The following CNOT9 variants were observed in gnomAD, a reference collection of about 807,000 sequenced individuals.
CNOT9 encodes the protein RCD1 required for cell differentiation1 homolog.
Under a neutral mutation model 37.4 loss-of-function variants are expected in CNOT9, and 8 were observed. That is an observed-to-expected ratio of 0.21 (90% CI 0.13 to 0.39). The LOEUF (loss-of-function observed/expected upper bound fraction) is 0.39, where lower values mean the gene tolerates loss of function less well. CNOT9 is among the 10% of genes least tolerant of loss of function. CNOT9 has a pLI of 1.00. For synonymous variants in CNOT9, 120 were observed against 137.6 expected (o/e 0.87, Z 0.90); for missense variants, 154 against 365.3 (o/e 0.42, Z 4.71).
In CNOT9 at chr2:218,596,065, G is replaced by A. The variant is rs1385583186; in HGVS notation, c.*1789G>A. On this transcript the variant is annotated 3_prime_UTR_variant, in exon 8 of 8. Transcript: ENST00000273064. ...CAGCCCGTAGTCTGTGATCTGGAGA[G>A]TCCAGTTAAGGTAACCCAGATTTTT... 6.6e-6 allele frequency: 1 copy of A among 152,210 alleles called. No homozygotes were observed. The highest frequency in any genetic ancestry group is 2.4e-5 in the African/African-American group (1 of 41,442). The allele number at this position is 152,210 out of a possible 1,614,324, so 9.4% of individuals were successfully genotyped here. A position where few individuals can be genotyped will look rare whatever the true frequency, so the allele number is the denominator to read the frequency against.
rs57839540 is a variant in CNOT9 at position 218,595,404 on chromosome 2, C to CTTTTTTTTTTTTTTTTTTTTT, written c.*1136_*1156dup. The CTTTTTTTTTTTTTTTTTTTTT allele has an allele frequency of 4.3e-4, 22 of 50,938 alleles. 1 individual carries two copies. The highest frequency in any genetic ancestry group is 2.8e-3 in the South Asian group (2 of 702). The allele number at this position is 50,938 out of a possible 1,614,324, so 3.2% of individuals were successfully genotyped here. On this transcript the variant is annotated 3_prime_UTR_variant, in exon 8 of 8. Coordinates refer to ENST00000273064, the MANE Select transcript of CNOT9 (RefSeq NM_005444.3). ...GAGGGCTGGGTTCTGCTCACTCAGT[C>CTTTTTTTTTTTTTTTTTTTTT]TTTTTTTTTTTTTTTTTTTTTTTTT... is the stretch of plus-strand genomic sequence containing the variant.
At chr2:218,583,557 G>T (rs554845294) in intron 3 of CNOT9, among the ~76,000 whole-genome samples, 3 of 152,258 alleles carry the variant, frequency 2.0e-5, no homozygotes, top group Non-Finnish European at 4.4e-5. Context: ...GAATTGGCAT[G>T]TAAGTTAAAA....
Position 218,592,479 on chromosome 2 carries a change from A to G in CNOT9, c.639+77A>G. 1.4e-6 allele frequency: 2 copies of G among 1,466,164 alleles called. No individual in the cohort carries two copies. Among genetic ancestry groups the G allele is most frequent in the African/African-American group, 1.4e-5 (1 of 71,912 alleles). 90.8% of individuals were successfully genotyped at this position (1,466,164 alleles called of 1,614,324 possible). A position where few individuals can be genotyped will look rare whatever the true frequency, so the allele number is the denominator to read the frequency against. On this transcript the variant is annotated intron_variant, in intron 6 of 7. Coordinates refer to ENST00000273064, the MANE Select transcript of CNOT9 (RefSeq NM_005444.3). This position sits in a 1 kb window ranked among gnomAD's most constrained non-coding sequence, Gnocchi z 4.1. ...ATCTCTTTATAACTGGCATTGAACA[A>G]CTTCAGTCCTCTGACTAGAACTAAC...
intron 1 of CNOT9, chr2:218,572,704 C>CG (rs2106077971): frequency 1.0e-6 from 1 of 985,092 alleles, no homozygotes; most frequent in South Asian, 4.7e-5. Context: ...GTGAAACAAC[C>CG]GGAGGTAAGC....
In CNOT9 at chr2:218,592,163, T is replaced by C. The variant is rs1694801939; in HGVS notation, c.541-141T>C. On this transcript the variant is annotated intron_variant, in intron 5 of 7. Coordinates refer to ENST00000273064, the MANE Select transcript of CNOT9 (RefSeq NM_005444.3). The surrounding 1 kb of genome is among the most constrained non-coding windows in gnomAD (Gnocchi z 4.1). Reference sequence around the variant, plus strand: ...TTTATTATTCTTTGTACTATACATATATGATAAAGTTGTACATAATATACA... The same window carrying C: ...TTTATTATTCTTTGTACTATACATACATGATAAAGTTGTACATAATATACA... 3.1e-6 allele frequency: 2 copies of C among 635,864 alleles called. No individual in the cohort carries two copies. Among genetic ancestry groups the C allele is most frequent in the African/African-American group, 3.7e-5 (2 of 54,414 alleles). 39.4% of individuals were successfully genotyped at this position (635,864 alleles called of 1,614,324 possible).
chr2:218,593,840 G>A, intron 7 of CNOT9: 2 of 1,218,252 alleles, frequency 1.6e-6, no homozygotes, highest in Non-Finnish European at 2.1e-6. Context: ...AAAGCTGTTT[G>A]AATGGAAGTA....
intron 1 of CNOT9, among the ~76,000 whole-genome samples, chr2:218,579,046 G>A (rs1694275973): frequency 6.6e-6 from 1 of 152,148 alleles, no homozygotes; most frequent in Admixed American, 6.5e-5. Flanking sequence ...CAGGTTTTCT[G>A]CTCAGTTGAG....
chr2:218,574,054 C>G (rs1174125535), intron 1 of CNOT9: 1 of 430,476 alleles, frequency 2.3e-6, no homozygotes, highest in African/African-American at 2.1e-5. Flanking sequence ...ACCGCAACCT[C>G]GACCTTCTGG....
chr2:218,578,649 T>TC lies in CNOT9; in HGVS notation c.25-1905dup, dbSNP rs544227470. On this transcript the variant is annotated intron_variant, in intron 1 of 7. Transcript: ENST00000273064. ...TCTCATCTGCAAGTGTAGATAGCCT[T>TC]CCCCCCCGCCTCCCGCTCCTTCTTT... Among the ~76,000 whole-genome samples, 236 of 152,052 alleles carry TC rather than the reference T, an allele frequency of 1.6e-3. 1 individual carries two copies. Among genetic ancestry groups the TC allele is most frequent in the African/African-American group, 4.7e-3 (194 of 41,466 alleles).
chr2:218,583,267 C>G (rs979576768), intron 3 of CNOT9, among the ~76,000 whole-genome samples, 181 bp downstream of exon 3: 19 of 64,484 alleles, frequency 2.9e-4, no homozygotes, highest in Middle Eastern at 0.012. Context: ...CTCTCTCTCT[C>G]TCTCTCTCTC....
chr2:218,569,815 C>T (rs1458735204), intron 1 of CNOT9, among the ~76,000 whole-genome samples: 1 of 152,146 alleles, frequency 6.6e-6, no homozygotes, highest in African/African-American at 2.4e-5. Flanking sequence ...GTAATTGGTA[C>T]CTCTTCCTTG....
chr2:218,586,028 C>A (rs1464942655), intron 4 of CNOT9, among the ~76,000 whole-genome samples: 1 of 152,138 alleles, frequency 6.6e-6, no homozygotes, highest in Non-Finnish European at 1.5e-5. Context: ...TGATCTATAA[C>A]TAAAAACTAC....
intron 7 of CNOT9, chr2:218,593,904 A>T: frequency 9.9e-7 from 1 of 1,014,772 alleles, no homozygotes. Flanking sequence ...TTGGGGCATC[A>T]TTCAGAAAAT....
At chr2:218,574,539 C>T (rs568784952) in intron 1 of CNOT9, among the ~76,000 whole-genome samples, 1 of 152,068 alleles carries the variant, frequency 6.6e-6, no homozygotes, top group Non-Finnish European at 1.5e-5. Context: ...TCCTTGAGAC[C>T]AGATAGAACT....
intron 1 of CNOT9, among the ~76,000 whole-genome samples, chr2:218,573,397 A>G (rs2106078727): frequency 1.3e-5 from 2 of 152,048 alleles, no homozygotes; most frequent in East Asian, 3.9e-4. Flanking sequence ...TTCCAGCACT[A>G]TTAGAAAGTT....
intron 1 of CNOT9, among the ~76,000 whole-genome samples, chr2:218,575,623 T>A (rs1299254663): frequency 5.9e-5 from 9 of 152,132 alleles, no homozygotes; most frequent in Admixed American, 5.9e-4. Flanking sequence ...CAGGATGGTC[T>A]CACACTCCTG....
chr2:218,583,109 T>C (rs1247805740), intron 3 of CNOT9, 23 bp downstream of exon 3: 27 of 1,445,604 alleles, frequency 1.9e-5, no homozygotes, highest in Non-Finnish European at 2.4e-5. Context: ...GGTGAGTCAC[T>C]TGGGGGAGAT....
intron 1 of CNOT9, among the ~76,000 whole-genome samples, chr2:218,569,827 ACTCTCCTTC>A (rs1237201838): frequency 6.7e-6 from 1 of 149,570 alleles, no homozygotes; most frequent in African/African-American, 2.5e-5. Flanking sequence ...TCTTCCTTGA[ACTCTCCTTC>A]CTCTCCTTAA....
intron 5 of CNOT9, among the ~76,000 whole-genome samples, chr2:218,589,694 A>G (rs967687073): frequency 6.6e-6 from 1 of 152,162 alleles, no homozygotes; most frequent in Non-Finnish European, 1.5e-5. Flanking sequence ...TGCAGTGGCT[A>G]TTCACAGCCA....
Sources: gnomAD v4.1 joint callset for allele counts (sites outside exome capture counted in the v4.1 genomes callset) on GRCh38, gnomAD v4.1.1 for gene constraint, Gnocchi (gnomAD v3.1) non-coding constraint, MANE v1.5 for transcripts, NCBI Gene and HGNC (gene_info 2026-07-23, HGNC 2026-07-21) for gene names.